Variants in BTD observed in about 807,000 individuals in gnomAD.
BTD encodes biotinidase, also known as biocytinase.
Under a neutral mutation model 17.7 loss-of-function variants are expected in BTD, and 13 were observed. The observed-to-expected ratio is 0.74, with a 90% confidence interval of 0.48 to 1.17. The LOEUF is 1.17. Ranked by LOEUF, BTD falls within the 50% of genes most tolerant of loss-of-function variation. BTD has a pLI of 0.00. For synonymous variants in BTD, 240 were observed against 245.2 expected (o/e 0.98, Z 0.20); for missense variants, 674 against 650.4 (o/e 1.04, Z -0.39).
At chr3:15,627,941 T>G (rs964948692) in intron 1 of BTD, among the ~76,000 whole-genome samples, 3 of 152,092 alleles carry the variant, frequency 2.0e-5, no homozygotes, top group Non-Finnish European at 4.4e-5. Context: ...AGGCTGGTCT[T>G]GAACTCCTGA....
At chr3:15,700,295 CCGGGGTGGGGGCCTGGG>C (rs1201596280) in intron 3 of BTD, among the ~76,000 whole-genome samples, 1 of 151,954 alleles carries the variant, frequency 6.6e-6, no homozygotes, top group African/African-American at 2.4e-5. Flanking sequence ...CGGGGCCTGT[CCGGGGTGGGGGCCTGGG>C]GGAGGGATAG....
At chr3:15,629,339 C>T (rs1199633114) in intron 1 of BTD, among the ~76,000 whole-genome samples, 2 of 152,154 alleles carry the variant, frequency 1.3e-5, no homozygotes, top group Non-Finnish European at 2.9e-5. Flanking sequence ...TATTCCATAC[C>T]TACTCAATCA....
rs2065700720 is a variant in BTD, at chr3:15,646,629, A to C, written c.*1141A>C. ...CCAATATTTCAAAGCCATTTAAAAA[A>C]GGATTTTGACTGCATGCCTAGTAGC... is the stretch of plus-strand genomic sequence containing the variant. On this transcript the variant is annotated 3_prime_UTR_variant, in exon 4 of 4. Transcript: ENST00000643237. 1 of 152,250 alleles carries C rather than the reference A, an allele frequency of 6.6e-6. No individual in the cohort carries two copies. The highest frequency in any genetic ancestry group is 1.5e-5 in the Non-Finnish European group (1 of 68,048). The allele number at this position is 152,250 out of a possible 1,614,324, so 9.4% of individuals were successfully genotyped here.
chr3:15,677,644 A>C, intron 3 of BTD: 1 of 1,053,926 alleles, frequency 9.5e-7, no homozygotes, highest in Non-Finnish European at 1.4e-6. Flanking sequence ...AGAAATGAAG[A>C]TACAAAGCAA....
At chr3:15,605,307 C>T (rs2064414087) in intron 1 of BTD, among the ~76,000 whole-genome samples, 3 of 152,170 alleles carry the variant, frequency 2.0e-5, no homozygotes. Context: ...CAGGGAAACT[C>T]CCATTTATAA....
At chr3:15,692,860 C>G (rs1346332824) in intron 3 of BTD, among the ~76,000 whole-genome samples, 1 of 152,072 alleles carries the variant, frequency 6.6e-6, no homozygotes, top group African/African-American at 2.4e-5. Context: ...AGAAAGCAAC[C>G]CAGCATCTAT....
intron 3 of BTD, among the ~76,000 whole-genome samples, chr3:15,687,227 G>A (rs931375162): frequency 6.6e-6 from 1 of 152,080 alleles, no homozygotes; most frequent in African/African-American, 2.4e-5. Context: ...ACAGGCATGA[G>A]CCACCGTGCC....
chr3:15,720,991 T>C (rs775283221), intron 4 of BTD: 1 of 1,613,924 alleles, frequency 6.2e-7, no homozygotes. Flanking sequence ...AGCAGCAAAG[T>C]GCAAAGGAGT....
Position 15,618,074 on chromosome 3 carries a change from A to G in BTD, c.-17+16180A>G, listed in dbSNP as rs116045286. On this transcript the variant is annotated intron_variant, in intron 1 of 3. Coordinates refer to ENST00000643237, the MANE Select transcript of BTD (RefSeq NM_001370658.1). ...GGGATCAAGTGATCTTCCCACTTCC[A>G]TCTGCTGAATAGCCAGGACTATAGG... Among the ~76,000 whole-genome samples, 315 of 152,298 alleles carry G rather than the reference A, an allele frequency of 2.1e-3. 1 individual carries two copies. The highest frequency in any genetic ancestry group is 3.9e-3 in the Non-Finnish European group (268 of 68,022).
At chr3:15,630,769 G>A (rs1224391268) in intron 1 of BTD, among the ~76,000 whole-genome samples, 1 of 152,158 alleles carries the variant, frequency 6.6e-6, no homozygotes, top group Non-Finnish European at 1.5e-5. Flanking sequence ...TTGCTGGTGA[G>A]TTCAGGCTTA....
rs2071704618 is a variant in BTD at position 15,708,091 on chromosome 3, A to G, written c.400-1969A>G. 5 of 1,578,968 alleles carry G rather than the reference A, an allele frequency of 3.2e-6. No homozygotes were observed. The South Asian group carries it at 5.8e-5, about 18-fold the overall frequency. ...TTTTGGGTCCAAGTTAATACAAGAA[A>G]GATAAAAGCCAGAGACATAACTAGT... On this transcript the variant is annotated intron_variant, in intron 3 of 3. Transcript: ENST00000672141.
intron 1 of BTD, among the ~76,000 whole-genome samples, chr3:15,606,124 T>G (rs1265151881): frequency 6.6e-6 from 1 of 152,024 alleles, no homozygotes; most frequent in East Asian, 1.9e-4. Flanking sequence ...CCTGTCCTTG[T>G]TGAAGAAGTA....
chr3:15,645,405 G>T lies in BTD; in HGVS notation c.1489G>T (p.Asp497Tyr). 1.2e-6 allele frequency: 2 copies of T among 1,614,086 alleles called. No individual in the cohort carries two copies. The highest frequency in any genetic ancestry group is 2.2e-5 in the South Asian group (2 of 91,052). ...CCCTGACCAGCTTGGCTGGGAGAATGACCACTATTTCCTGAGGAAAAGTAG... is the reference window on the plus strand; with the variant it reads ...CCCTGACCAGCTTGGCTGGGAGAATTACCACTATTTCCTGAGGAAAAGTAG... Reference protein sequence around the residue: ...EVPDQLGWENDHYFLRKSRLS... With the variant: ...EVPDQLGWENYHYFLRKSRLS... Residue 497 changes from aspartate to tyrosine, a missense_variant, in exon 4 of 4, where the codon GAC (aspartate) becomes TAC (tyrosine). Asp to Tyr is a radical substitution (Grantham distance 160). Coordinates refer to ENST00000643237, the MANE Select transcript of BTD (RefSeq NM_001370658.1).
intron 3 of BTD, among the ~76,000 whole-genome samples, chr3:15,661,983 G>A (rs770241102): frequency 3.9e-5 from 6 of 152,166 alleles, no homozygotes; most frequent in Non-Finnish European, 7.4e-5. Context: ...CCACTGATCT[G>A]TCCATTCTTT....
chr3:15,686,204 T>G (rs1459924770), intron 3 of BTD: 1 of 1,589,460 alleles, frequency 6.3e-7, no homozygotes, highest in East Asian at 2.3e-5. Flanking sequence ...GATGCAACAA[T>G]TATTTATCGA....
intron 1 of BTD, among the ~76,000 whole-genome samples, chr3:15,614,148 A>T (rs2064722653): frequency 7.0e-6 from 1 of 142,792 alleles, no homozygotes; most frequent in Non-Finnish European, 1.5e-5. Context: ...TTTTAAGTCA[A>T]GGTCTTGCTC....
intron 3 of BTD, among the ~76,000 whole-genome samples, chr3:15,691,678 C>G (rs918989249): frequency 6.6e-6 from 1 of 152,154 alleles, no homozygotes; most frequent in Non-Finnish European, 1.5e-5. Flanking sequence ...ACTACTTAAG[C>G]TTGACTATCT....
intron 2 of BTD, among the ~76,000 whole-genome samples, chr3:15,637,250 T>C (rs938139718): frequency 1.3e-5 from 2 of 152,112 alleles, no homozygotes; most frequent in African/African-American, 4.8e-5. Flanking sequence ...TGCTCAGAAC[T>C]GTATGCAGCT....
intron 1 of BTD, among the ~76,000 whole-genome samples, chr3:15,619,926 T>G (rs1452279637): frequency 6.6e-6 from 1 of 152,024 alleles, no homozygotes; most frequent in Non-Finnish European, 1.5e-5. Context: ...GGAGGGAGTG[T>G]AAGAACAGAG....
Sources: allele counts gnomAD v4.1 joint callset (sites outside exome capture counted in the v4.1 genomes callset), GRCh38; gene constraint gnomAD v4.1.1; transcripts MANE v1.5; gene names NCBI Gene and HGNC (gene_info 2026-07-23, HGNC 2026-07-21).